The following CNTLN variants were observed in gnomAD, a reference collection of about 807,000 sequenced individuals.
The protein encoded by CNTLN is centlein.
A neutral mutation model predicts 180.0 loss-of-function variants in CNTLN; 212 were observed. The ratio of observed to expected loss-of-function variants is 1.18; its 90% confidence interval spans 1.05 to 1.32. The LOEUF is 1.32. CNTLN is among the 40% of genes most tolerant of loss of function. The pLI, the probability that CNTLN is intolerant of heterozygous loss-of-function variation, is 0.00. For synonymous variants in CNTLN, 722 were observed against 563.1 expected (o/e 1.28, Z -3.99); for missense variants, 2,095 against 1,610.9 (o/e 1.30, Z -5.14).
In CNTLN at chr9:17,480,088, G is replaced by A. The variant is rs554322811; in HGVS notation, c.3856-4207G>A. ...TGCTTGTAATCCCAACACTTTTCAA[G>A]GCCAAGACAGGATGATCACTTGAGC... is the stretch of plus-strand genomic sequence containing the variant. On this transcript the variant is annotated intron_variant, in intron 23 of 25. Transcript: ENST00000380647. Among the ~76,000 whole-genome samples the A allele has an allele frequency of 7.9e-5, 12 of 152,090 alleles. No homozygotes were observed. In the South Asian group the frequency reaches 1.9e-3, roughly 24 times the overall value.
intron 2 of CNTLN, among the ~76,000 whole-genome samples, chr9:17,185,738 T>C (rs1391003521): frequency 4.0e-5 from 6 of 151,816 alleles, no homozygotes; most frequent in Admixed American, 3.9e-4. Context: ...GAAAGGCTTT[T>C]CTCTCCTCTT....
Position 17,330,765 on chromosome 9 carries a change from T to C in CNTLN, c.1475T>C (p.Phe492Ser). 6.2e-7 allele frequency: 1 copy of C among 1,610,594 alleles called. No individual in the cohort carries two copies. Reference sequence around the variant, plus strand: ...GAAAACATATCTGCCAACAAGGGTTTCTCCCGAAAGAGCATCATGACAAGT... The same window carrying C: ...GAAAACATATCTGCCAACAAGGGTTCCTCCCGAAAGAGCATCATGACAAGT... ...LSENISANKG[F>S]SRKSIMTSAE... Residue 492 changes from phenylalanine to serine, a missense_variant, in exon 9 of 26, where the codon TTC becomes TCC. Phe to Ser is a radical substitution (Grantham distance 155, BLOSUM62 -2). Coordinates refer to ENST00000380647, the MANE Select transcript of CNTLN (RefSeq NM_017738.4).
intron 6 of CNTLN, among the ~76,000 whole-genome samples, chr9:17,284,825 T>C (rs1828881320): frequency 1.3e-5 from 2 of 152,190 alleles, no homozygotes; most frequent in South Asian, 4.2e-4. Context: ...CTCTTGGTTC[T>C]CTATTTCTTT....
chr9:17,385,029 C>T (rs1405587925), intron 13 of CNTLN, among the ~76,000 whole-genome samples: 3 of 152,166 alleles, frequency 2.0e-5, no homozygotes, highest in African/African-American at 7.2e-5. Flanking sequence ...ATTGGGGGTT[C>T]CCAGGAGCCC....
chr9:17,383,804 A>AT (rs982260198), intron 13 of CNTLN, among the ~76,000 whole-genome samples: 62 of 151,670 alleles, frequency 4.1e-4, no homozygotes, highest in Non-Finnish European at 8.1e-4. Context: ...TGCCCGACTA[A>AT]TTTTTTTGTA....
At chr9:17,424,404 A>G (rs1447806066) in intron 18 of CNTLN, among the ~76,000 whole-genome samples, 2 of 152,092 alleles carry the variant, frequency 1.3e-5, no homozygotes, top group African/African-American at 4.8e-5. Flanking sequence ...TTTTGTTCCA[A>G]TAATATTACT....
chr9:17,293,585 G>A (rs948545930), intron 6 of CNTLN, among the ~76,000 whole-genome samples: 3 of 152,246 alleles, frequency 2.0e-5, no homozygotes, highest in Non-Finnish European at 2.9e-5. Flanking sequence ...TGTGAGTGCT[G>A]TGGGGAATTC....
chr9:17,256,776 G>A (rs1587360324), intron 5 of CNTLN, among the ~76,000 whole-genome samples: 1 of 151,834 alleles, frequency 6.6e-6, no homozygotes, highest in East Asian at 1.9e-4. Flanking sequence ...GGGGATTTGG[G>A]GATTTCTTTA....
intron 1 of CNTLN, among the ~76,000 whole-genome samples, chr9:17,135,713 C>T (rs181512541): frequency 7.9e-4 from 120 of 152,328 alleles, no homozygotes; most frequent in Non-Finnish European, 1.3e-3. Flanking sequence ...TCTCCGCTTC[C>T]CCCCCAAGCC....
At chr9:17,201,557 G>A (rs1196070067) in intron 2 of CNTLN, among the ~76,000 whole-genome samples, 1 of 152,106 alleles carries the variant, frequency 6.6e-6, no homozygotes, top group Non-Finnish European at 1.5e-5. Flanking sequence ...TTCTGGTTTA[G>A]TCTTGGGAGG....
intron 2 of CNTLN, among the ~76,000 whole-genome samples, chr9:17,221,867 GC>G (rs757702659): frequency 5.3e-5 from 8 of 152,056 alleles, no homozygotes; most frequent in Non-Finnish European, 8.8e-5. Context: ...TTAGAAGGGA[GC>G]TTTTATTCCT....
intron 7 of CNTLN, among the ~76,000 whole-genome samples, chr9:17,303,891 C>A (rs1483334109): frequency 6.6e-6 from 1 of 152,148 alleles, no homozygotes; most frequent in Non-Finnish European, 1.5e-5. Flanking sequence ...AAGTATTACA[C>A]TAACAATTTG....
At chr9:17,388,131 G>T (rs780144117) in intron 13 of CNTLN, 31 bp from the exon 14 acceptor site, 58 of 1,414,290 alleles carry the variant, frequency 4.1e-5, no homozygotes, top group Non-Finnish European at 4.7e-5. Context: ...AGTACACGTG[G>T]TATCATAATA....
intron 2 of CNTLN, among the ~76,000 whole-genome samples, chr9:17,198,845 C>A (rs1042985929): frequency 7.9e-5 from 12 of 152,218 alleles, no homozygotes; most frequent in African/African-American, 2.4e-4. Flanking sequence ...CATGTCCCTG[C>A]AAAGGACATG....
At chr9:17,175,725 A>ATTGGCATGT (rs201849889) in intron 2 of CNTLN, among the ~76,000 whole-genome samples, 2,871 of 152,182 alleles carry the variant, frequency 0.019, 56 homozygotes, top group African/African-American at 0.05. Context: ...TTGGGGGAGA[A>ATTGGCATGT]TTGTTGACTC....
chr9:17,343,198 A>G (rs1230544994), intron 12 of CNTLN, among the ~76,000 whole-genome samples: 1 of 152,230 alleles, frequency 6.6e-6, no homozygotes, highest in Non-Finnish European at 1.5e-5. Context: ...CCTGGCAAAG[A>G]AAGAACATTT....
intron 25 of CNTLN, among the ~76,000 whole-genome samples, chr9:17,488,730 G>A (rs1351259367): frequency 6.6e-6 from 1 of 152,024 alleles, no homozygotes; most frequent in African/African-American, 2.4e-5. Context: ...GCTTAATACT[G>A]CAGCTTGATA....
intron 18 of CNTLN, among the ~76,000 whole-genome samples, chr9:17,425,187 C>G (rs544602297): frequency 2.6e-4 from 40 of 152,226 alleles, no homozygotes; most frequent in Non-Finnish European, 5.3e-4. Context: ...TTGCTACAGA[C>G]TGAATTGTGT....
At chr9:17,339,861 G>A (rs532135545) in intron 10 of CNTLN, among the ~76,000 whole-genome samples, 57 of 152,114 alleles carry the variant, frequency 3.7e-4, no homozygotes, top group Non-Finnish European at 6.9e-4. Flanking sequence ...TATATTGGAA[G>A]TAGTTGACTG....
Sources: allele counts gnomAD v4.1 joint callset (sites outside exome capture counted in the v4.1 genomes callset), GRCh38; gene constraint gnomAD v4.1.1; transcripts MANE v1.5; gene names NCBI Gene and HGNC (gene_info 2026-07-23, HGNC 2026-07-21).